NXPH1: variants seen among roughly 807,000 people sequenced by gnomAD.
NXPH1 encodes neurexophilin 1, also known as neurexophilin-1.
In NXPH1, 5 loss-of-function variants were observed where a neutral mutation model predicts 23.7. The ratio of observed to expected loss-of-function variants is 0.21; its 90% CI spans 0.11 to 0.44. NXPH1 has a LOEUF of 0.44. NXPH1 is among the 20% of genes least tolerant of loss of function. The pLI is 0.99. For missense variants in NXPH1, 324 were observed against 321.6 expected, an observed-to-expected ratio of 1.01 and a Z score of -0.06; for synonymous variants, 144 against 122.2, an observed-to-expected ratio of 1.18 and a Z score of -1.18.
intron 2 of NXPH1, among the ~76,000 whole-genome samples, chr7:8,682,070 G>C (rs1470116193): frequency 2.0e-5 from 3 of 152,184 alleles, no homozygotes; most frequent in Non-Finnish European, 4.4e-5. Flanking sequence ...CTGAATGGGT[G>C]CTGGGGTGAG....
chr7:8,543,897 G>A (rs927719751), intron 2 of NXPH1, among the ~76,000 whole-genome samples: 2 of 151,428 alleles, frequency 1.3e-5, no homozygotes, highest in Admixed American at 6.6e-5. Context: ...TTTGAATAAT[G>A]GAATTTTAGA....
intron 2 of NXPH1, among the ~76,000 whole-genome samples, chr7:8,670,969 T>A (rs1226446145): frequency 2.0e-5 from 3 of 152,190 alleles, no homozygotes; most frequent in Admixed American, 6.5e-5. Flanking sequence ...TGGGATGTAC[T>A]CATCTGCCTG....
intron 2 of NXPH1, among the ~76,000 whole-genome samples, chr7:8,687,816 A>G (rs1355913774): frequency 6.6e-6 from 1 of 152,160 alleles, no homozygotes; most frequent in Non-Finnish European, 1.5e-5. Context: ...CTCTGCTGAG[A>G]CATTCTGAAA....
At chr7:8,659,767 A>G (rs1192835924) in intron 2 of NXPH1, among the ~76,000 whole-genome samples, 1 of 152,232 alleles carries the variant, frequency 6.6e-6, no homozygotes, top group African/African-American at 2.4e-5. Flanking sequence ...TTTCTTTAAA[A>G]AGAATGAATA....
At chr7:8,648,190 TA>T (rs1210148088) in intron 2 of NXPH1, among the ~76,000 whole-genome samples, 1 of 152,184 alleles carries the variant, frequency 6.6e-6, no homozygotes, top group Non-Finnish European at 1.5e-5. Context: ...TTAAGTTATT[TA>T]AAAATGTCCA....
At chr7:8,478,487 A>G (rs1413453770) in intron 2 of NXPH1, among the ~76,000 whole-genome samples, 1 of 152,122 alleles carries the variant, frequency 6.6e-6, no homozygotes, top group East Asian at 1.9e-4. Flanking sequence ...AAATTTTAAG[A>G]TCAAAAAGAA....
chr7:8,692,295 C>G lies in NXPH1; in HGVS notation c.55-58713C>G, dbSNP rs148169314. Among the ~76,000 whole-genome samples, 353 of 152,224 alleles carry G rather than the reference C, an allele frequency of 2.3e-3. 1 individual carries two copies. Among genetic ancestry groups the G allele is most frequent in the African/African-American group, 7.9e-3 (328 of 41,538 alleles). On this transcript the variant is annotated intron_variant, in intron 2 of 2. Coordinates refer to ENST00000405863, the MANE Select transcript of NXPH1 (RefSeq NM_152745.3). Reference sequence around the variant, plus strand: ...AGCTGAGTGAAGAATTAACCACACACGTAAGCCAGAAAGGAGGCTTGAAGA... The same window carrying G: ...AGCTGAGTGAAGAATTAACCACACAGGTAAGCCAGAAAGGAGGCTTGAAGA...
intron 2 of NXPH1, among the ~76,000 whole-genome samples, chr7:8,623,994 A>G (rs563473933): frequency 6.4e-4 from 98 of 152,294 alleles, no homozygotes; most frequent in African/African-American, 2.2e-3. Flanking sequence ...GCAACGTGCT[A>G]TTCTTATAAT....
intron 2 of NXPH1, among the ~76,000 whole-genome samples, chr7:8,687,981 G>T (rs1821172943): frequency 6.6e-6 from 1 of 152,068 alleles, no homozygotes; most frequent in Non-Finnish European, 1.5e-5. Context: ...AATAAGTAAG[G>T]TATGAGAATC....
At chr7:8,474,649 A>T (rs1469265123) in intron 2 of NXPH1, among the ~76,000 whole-genome samples, 1 of 152,170 alleles carries the variant, frequency 6.6e-6, no homozygotes, top group African/African-American at 2.4e-5. Context: ...TCCCTATATC[A>T]TATATCTGAC....
At chr7:8,545,856 A>G (rs1259851602) in intron 2 of NXPH1, among the ~76,000 whole-genome samples, 1 of 151,442 alleles carries the variant, frequency 6.6e-6, no homozygotes, top group Non-Finnish European at 1.5e-5. Context: ...GCTCTCATAC[A>G]AGTTAGCTTA....
intron 2 of NXPH1, among the ~76,000 whole-genome samples, chr7:8,652,040 ATT>A (rs1296591223): frequency 3.3e-5 from 5 of 152,148 alleles, no homozygotes; most frequent in African/African-American, 1.2e-4. Context: ...TCTTAGAAGC[ATT>A]TTAAATTCCA....
chr7:8,499,536 A>G (rs193275783), intron 2 of NXPH1, among the ~76,000 whole-genome samples: 2 of 152,222 alleles, frequency 1.3e-5, no homozygotes, highest in Admixed American at 1.3e-4. Flanking sequence ...TTGGTTAATT[A>G]TTGAGCTACA....
At chr7:8,728,397 G>A (rs1179043722) in intron 2 of NXPH1, among the ~76,000 whole-genome samples, 2 of 152,120 alleles carry the variant, frequency 1.3e-5, no homozygotes, top group African/African-American at 4.8e-5. Flanking sequence ...TGGTGAGAGA[G>A]GGCATCCCTG....
At chr7:8,513,657 T>G (rs1363661780) in intron 2 of NXPH1, among the ~76,000 whole-genome samples, 2 of 151,992 alleles carry the variant, frequency 1.3e-5, no homozygotes, top group African/African-American at 4.8e-5. Flanking sequence ...CAAGGAACAT[T>G]TGGAGATGTG....
At chr7:8,665,902 GTTTTTTTTTCT>G (rs1820752772) in intron 2 of NXPH1, among the ~76,000 whole-genome samples, 1 of 73,980 alleles carries the variant, frequency 1.4e-5, no homozygotes, top group African/African-American at 3.7e-5. Flanking sequence ...GTTCTAAGAG[GTTTTTTTTTCT>G]TTTTCTTTTT....
In NXPH1 at chr7:8,541,830, G is replaced by A. The variant is rs766038691; in HGVS notation, c.54+106063G>A. On this transcript the variant is annotated intron_variant, in intron 2 of 2. Transcript: ENST00000405863. The stretch of plus-strand genomic sequence containing the variant: ...CTGTGATAAGTTAAAGATGTATAGA[G>A]TTAACTCTAAAGCAGTAACTAAAAT... Among the ~76,000 whole-genome samples the A allele has an allele frequency of 2.0e-5, 3 of 151,536 alleles. No homozygotes were observed. The East Asian group carries it at 5.8e-4, about 29-fold the overall frequency.
At chr7:8,612,424 G>A (rs912107643) in intron 2 of NXPH1, among the ~76,000 whole-genome samples, 2 of 151,916 alleles carry the variant, frequency 1.3e-5, no homozygotes, top group Non-Finnish European at 2.9e-5. Context: ...TATAGTGCTA[G>A]TAGCAGCACT....
intron 2 of NXPH1, among the ~76,000 whole-genome samples, chr7:8,655,530 A>G (rs1820567173): frequency 1.3e-5 from 2 of 150,054 alleles, no homozygotes; most frequent in Admixed American, 6.6e-5. Flanking sequence ...ACATGCTTTC[A>G]TGGTAGTTTT....
Sources: gnomAD v4.1 joint callset for allele counts (sites outside exome capture counted in the v4.1 genomes callset) on GRCh38, gnomAD v4.1.1 for gene constraint, MANE v1.5 for transcripts, NCBI Gene and HGNC (gene_info 2026-07-23, HGNC 2026-07-21) for gene names.